Variants in ADORA2B observed in about 807,000 individuals in gnomAD.
ADORA2B encodes adenosine A2b receptor.
Under a neutral mutation model 20.8 loss-of-function variants are expected in ADORA2B, and 18 were observed. That is an observed-to-expected ratio of 0.87 (90% confidence interval 0.60 to 1.29). The LOEUF (loss-of-function observed/expected upper bound fraction) is 1.29. ADORA2B is among the 50% of genes most tolerant of loss of function. ADORA2B has a pLI of 0.00. For synonymous variants in ADORA2B, 179 were observed against 178.3 expected (o/e 1.00, Z -0.03); for missense variants, 441 against 422.7 (o/e 1.04, Z -0.38).
chr17:15,972,506 C>T (rs1254291876), intron 1 of ADORA2B, among the ~76,000 whole-genome samples: 1 of 152,164 alleles, frequency 6.6e-6, no homozygotes, highest in African/African-American at 2.4e-5. Context: ...CATGGATAGA[C>T]TAGTGTATAG....
chr17:15,866,694 T>TCTGCCTCTGCCGCTGCCG, the ADORA2B span, among the ~76,000 whole-genome samples: 17,663 of 142,524 alleles, frequency 0.12, 1,348 homozygotes, highest in African/African-American at 0.24. Flanking sequence ...TCCCTCTGCC[T>TCTGCCTCTGCCGCTGCCG]CTGCCTCTGC....
the ADORA2B span, among the ~76,000 whole-genome samples, chr17:15,925,531 A>G: frequency 6.6e-6 from 1 of 152,212 alleles, no homozygotes; most frequent in Non-Finnish European, 1.5e-5. Flanking sequence ...AATTTTAAGC[A>G]TGCTTCATTG....
At chr17:15,940,452 T>C (rs1969734085), upstream of ADORA2B, among the ~76,000 whole-genome samples, 1 of 152,212 alleles carries the variant, frequency 6.6e-6, no homozygotes, top group Non-Finnish European at 1.5e-5. Flanking sequence ...CCTTGTTGAC[T>C]TCCAGAAGTG....
chr17:15,913,604 A>G, the ADORA2B span, among the ~76,000 whole-genome samples: 1 of 152,214 alleles, frequency 6.6e-6, no homozygotes, highest in Non-Finnish European at 1.5e-5. Context: ...TACATTTCCA[A>G]GCAGAATCTC....
chr17:15,884,870 G>T, the ADORA2B span, among the ~76,000 whole-genome samples: 5 of 152,168 alleles, frequency 3.3e-5, no homozygotes, highest in African/African-American at 1.2e-4. Context: ...GACTAGTGCT[G>T]CAGTGAACAT....
chr17:15,889,079 G>T, the ADORA2B span, among the ~76,000 whole-genome samples: 3 of 121,244 alleles, frequency 2.5e-5, 1 homozygote, highest in East Asian at 6.3e-4. Flanking sequence ...GCCAGGCTAG[G>T]CTGGTCGTGA....
chr17:15,939,423 G>T, the ADORA2B span, among the ~76,000 whole-genome samples: 16 of 152,314 alleles, frequency 1.1e-4, no homozygotes, highest in African/African-American at 3.8e-4. Flanking sequence ...AACCAGGACT[G>T]CTGCACAGCA....
chr17:15,900,777 T>G, the ADORA2B span, among the ~76,000 whole-genome samples: 1 of 152,200 alleles, frequency 6.6e-6, no homozygotes, highest in Non-Finnish European at 1.5e-5. Context: ...CCATTCTGAC[T>G]GGTGTGAGAG....
intron 1 of ADORA2B, among the ~76,000 whole-genome samples, chr17:15,950,459 C>A (rs367988651): frequency 1.3e-5 from 2 of 152,310 alleles, no homozygotes; most frequent in East Asian, 3.9e-4. Flanking sequence ...TTGCCTCCCC[C>A]CTGGCAAACT....
At chr17:15,953,011 C>G (rs571807265) in intron 1 of ADORA2B, among the ~76,000 whole-genome samples, 1 of 152,190 alleles carries the variant, frequency 6.6e-6, no homozygotes, top group African/African-American at 2.4e-5. Context: ...CAGGCACGGG[C>G]GGGCAGGCTT....
the ADORA2B span, among the ~76,000 whole-genome samples, chr17:15,882,773 T>C: frequency 0.23 from 19,811 of 84,484 alleles, 1,746 homozygotes; most frequent in African/African-American, 0.46. Context: ...GTGTCCTCCT[T>C]CTGGAGACTG....
At chr17:15,900,457 T>A in the ADORA2B span, among the ~76,000 whole-genome samples, 1,004 of 152,250 alleles carry the variant, frequency 6.6e-3, 13 homozygotes, top group African/African-American at 0.024. Context: ...TTTTATTTTT[T>A]ATTTTTTTGA....
chr17:15,953,610 T>C (rs1969932922), intron 1 of ADORA2B, among the ~76,000 whole-genome samples: 1 of 152,214 alleles, frequency 6.6e-6, no homozygotes, highest in African/African-American at 2.4e-5. Flanking sequence ...TTTTGATTTT[T>C]TTCCTGTGGA....
chr17:15,890,459 CTTTTA>C, the ADORA2B span, among the ~76,000 whole-genome samples: 6 of 74,902 alleles, frequency 8.0e-5, 1 homozygote, highest in Admixed American at 3.8e-4. Flanking sequence ...TCATTCCTTT[CTTTTA>C]TTTATTTATT....
chr17:15,932,259 C>T, the ADORA2B span, among the ~76,000 whole-genome samples: 1 of 151,838 alleles, frequency 6.6e-6, no homozygotes. Flanking sequence ...CTTTGGGAGG[C>T]CGAGGTGGGA....
At chr17:15,861,219 A>G in the ADORA2B span, among the ~76,000 whole-genome samples, 1 of 152,182 alleles carries the variant, frequency 6.6e-6, no homozygotes, top group African/African-American at 2.4e-5. Context: ...AAAAGACAAT[A>G]CTAAATAGGC....
At chr17:15,923,799 A>G in the ADORA2B span, among the ~76,000 whole-genome samples, 3 of 152,214 alleles carry the variant, frequency 2.0e-5, no homozygotes, top group Non-Finnish European at 4.4e-5. Flanking sequence ...AGATGCAAAT[A>G]GCTTCCCCAG....
At chr17:15,868,011 A>G in the ADORA2B span, among the ~76,000 whole-genome samples, 1 of 149,614 alleles carries the variant, frequency 6.7e-6, no homozygotes, top group African/African-American at 2.5e-5. Context: ...GAGACTTTTC[A>G]TTTTGTTCTG....
chr17:15,945,807 G>T lies in ADORA2B; in HGVS notation c.335+224G>T, dbSNP rs34502015. 1.4e-4 allele frequency among the ~76,000 whole-genome samples: 21 copies of T among 152,224 alleles called. No individual in the cohort carries two copies. The East Asian group carries it at 3.9e-3, about 28-fold the overall frequency. On this transcript the variant is annotated intron_variant, in intron 1 of 1. Coordinates refer to ENST00000304222, the MANE Select transcript of ADORA2B (RefSeq NM_000676.4). Reference sequence around the variant, plus strand: ...TGCGCGTCGCTCTAAGGAGATCTGCGTAGGGACAGCTCTAGGGGGTCCGGG... The same window carrying T: ...TGCGCGTCGCTCTAAGGAGATCTGCTTAGGGACAGCTCTAGGGGGTCCGGG...
Sources: allele counts gnomAD v4.1 joint callset (sites outside exome capture counted in the v4.1 genomes callset), GRCh38; gene constraint gnomAD v4.1.1; transcripts MANE v1.5; gene names NCBI Gene and HGNC (gene_info 2026-07-23, HGNC 2026-07-21).